Variants in CRAMP1 observed in about 807,000 individuals in gnomAD.
CRAMP1 encodes the protein cramped chromatin regulator 1, also known as protein cramped-like.
CRAMP1 carries 50 observed loss-of-function variants against 115.4 expected under a neutral mutation model. The ratio of observed to expected loss-of-function variants is 0.43; its 90% CI spans 0.35 to 0.55. The LOEUF (loss-of-function observed/expected upper bound fraction) is 0.55, where lower values mean the gene tolerates loss of function less well. CRAMP1 is among the 20% of genes least tolerant of loss of function. The pLI, the probability that CRAMP1 is intolerant of heterozygous loss-of-function variation, is 0.01. For missense variants in CRAMP1, 1,679 were observed against 1,721.7 expected, an observed-to-expected ratio of 0.98 and a Z score of 0.44; for synonymous variants, 866 against 745.4, an observed-to-expected ratio of 1.16 and a Z score of -2.64.
chr16:1,635,746 G>A (rs2036583784), intron 4 of CRAMP1, among the ~76,000 whole-genome samples: 1 of 152,146 alleles, frequency 6.6e-6, no homozygotes, highest in African/African-American at 2.4e-5. Flanking sequence ...GTACTTACAA[G>A]GTTATGCAGC....
chr16:1,667,449 C>G, intron 17 of CRAMP1, 49 bp downstream of exon 17: 1 of 1,448,234 alleles, frequency 6.9e-7, no homozygotes, highest in East Asian at 2.3e-5. Flanking sequence ...CCCAGGACTC[C>G]CTCCAGTGCC....
At chr16:1,652,644 G>A in intron 7 of CRAMP1, 63 bp downstream of exon 7, 1 of 1,406,046 alleles carries the variant, frequency 7.1e-7, no homozygotes, top group Non-Finnish European at 9.8e-7. Context: ...TCAATGATGG[G>A]CAGGCTGAGC....
At position 1,676,454 on chromosome 16, in the gene CRAMP1, T is replaced by A. The variant is rs1037210052; in HGVS notation, c.*2409T>A. ...ACAATGGATACATTTTCTTCTGGCC[T>A]AAATGAATATTTATGTGCAAACATA... is the stretch of plus-strand genomic sequence containing the variant. On this transcript the variant is annotated 3_prime_UTR_variant, in exon 21 of 21. Coordinates refer to ENST00000397412, the MANE Select transcript of CRAMP1 (RefSeq NM_020825.4). The A allele has an allele frequency of 1.3e-5, 2 of 152,280 alleles. No homozygotes were observed. The highest frequency in any genetic ancestry group is 4.8e-5 in the African/African-American group (2 of 41,474). 9.4% of individuals were successfully genotyped at this position (152,280 alleles called of 1,614,324 possible). A position where few individuals can be genotyped will look rare whatever the true frequency, so the allele number is the denominator to read the frequency against.
chr16:1,648,295 T>C (rs1596490796), intron 6 of CRAMP1, among the ~76,000 whole-genome samples: 1 of 152,278 alleles, frequency 6.6e-6, no homozygotes, highest in East Asian at 1.9e-4. Context: ...CCAGAGCACT[T>C]CATTGGAGGA....
At chr16:1,629,971 A>C (rs2142176349) in intron 3 of CRAMP1, among the ~76,000 whole-genome samples, 1 of 150,606 alleles carries the variant, frequency 6.6e-6, no homozygotes, top group African/African-American at 2.4e-5. Flanking sequence ...GCACAATGCC[A>C]CCTCCCCTCT....
chr16:1,628,414 C>T (rs373139332), intron 3 of CRAMP1, among the ~76,000 whole-genome samples: 7 of 152,242 alleles, frequency 4.6e-5, no homozygotes, highest in East Asian at 3.9e-4. Context: ...CCACCACACC[C>T]GGCTAATTTT....
chr16:1,661,807 T>C (rs1052532891), intron 11 of CRAMP1, among the ~76,000 whole-genome samples: 1 of 152,156 alleles, frequency 6.6e-6, no homozygotes, highest in Non-Finnish European at 1.5e-5. Context: ...TTGGCCAGGC[T>C]GGCCTACCAT....
Position 1,659,986 on chromosome 16 carries a change from GC to G in CRAMP1, c.2341del (p.Arg781AlafsTer26). ...PGKVVTVSSR[S>X]PRCPRNQASL... ...AAGGTGGTGACCGTCAGCTCTCGCA[GC>G]CCCCGCTGCCCTCGGAACCAGGCCT... On this transcript the variant is annotated frameshift_variant, in exon 11 of 21. Transcript: ENST00000397412. LOFTEE classifies it high-confidence loss of function. The G allele has an allele frequency of 6.2e-7, 1 of 1,606,550 alleles. No homozygotes were observed.
chr16:1,657,537 C>T (rs1014175248), intron 10 of CRAMP1, among the ~76,000 whole-genome samples: 3 of 152,260 alleles, frequency 2.0e-5, no homozygotes, highest in East Asian at 1.9e-4. Context: ...CTGGAAAGAC[C>T]ATCCCAGCTG....
Position 1,659,973 on chromosome 16 carries a change from G to A in CRAMP1, c.2323G>A (p.Val775Ile), listed in dbSNP as rs754951039. The A allele has an allele frequency of 7.5e-6, 12 of 1,608,652 alleles. No individual in the cohort carries two copies. The highest frequency in any genetic ancestry group is 1.7e-5 in the Admixed American group (1 of 59,984). The change falls in exon 11 of 21, where the codon GTC (valine) becomes ATC (isoleucine). Residue 775 changes from valine to isoleucine, a missense_variant. Around this residue, in one of 8 missense-constraint regions of CRAMP1, gnomAD observed 709 missense variants for 741.9 expected, o/e 0.96. Coordinates refer to ENST00000397412, the MANE Select transcript of CRAMP1 (RefSeq NM_020825.4). ...GACGCCCCCAGGGAAGGTGGTGACC[G>A]TCAGCTCTCGCAGCCCCCGCTGCCC... ...SMTPPGKVVT[V>I]SSRSPRCPRN... is the part of the protein sequence containing the mutation.
chr16:1,675,125 G>A lies in CRAMP1; in HGVS notation c.*1080G>A, dbSNP rs2036956500. On this transcript the variant is annotated 3_prime_UTR_variant, in exon 21 of 21. Transcript: ENST00000397412. ...CAGGTGAGGGCCCAGACATCTGGAT[G>A]TGGTCAGACCTCACCAAATATATGC... 6.6e-6 allele frequency: 1 copy of A among 152,284 alleles called. No individual in the cohort carries two copies. The highest frequency in any genetic ancestry group is 1.5e-5 in the Non-Finnish European group (1 of 68,068). The allele number at this position is 152,284 out of a possible 1,614,324, so 9.4% of individuals were successfully genotyped here.
intron 8 of CRAMP1, among the ~76,000 whole-genome samples, 167 bp downstream of exon 8, chr16:1,653,323 C>T (rs1420129513): frequency 2.0e-5 from 3 of 152,186 alleles, no homozygotes; most frequent in African/African-American, 7.2e-5. Context: ...CCAGGGAGCA[C>T]TGGGCTGCAG....
intron 2 of CRAMP1, among the ~76,000 whole-genome samples, chr16:1,623,680 G>A (rs1383458158): frequency 6.6e-6 from 1 of 152,206 alleles, no homozygotes; most frequent in Non-Finnish European, 1.5e-5. Flanking sequence ...TGGACAGGCA[G>A]TCCTTGCTGA....
At chr16:1,664,389 G>A (rs1380871860) in intron 13 of CRAMP1, among the ~76,000 whole-genome samples, 2 of 152,192 alleles carry the variant, frequency 1.3e-5, no homozygotes, top group Non-Finnish European at 2.9e-5. Context: ...AGCCCAGAAT[G>A]GGAGGTGTCA....
chr16:1,643,932 A>T (rs1211102431), intron 6 of CRAMP1, among the ~76,000 whole-genome samples: 1 of 152,258 alleles, frequency 6.6e-6, no homozygotes, highest in Admixed American at 6.5e-5. Context: ...TGGGCCTGTC[A>T]GCAGGATGGC....
In CRAMP1 at chr16:1,675,545, G is replaced by A. The variant is rs921333305; in HGVS notation, c.*1500G>A. Reference sequence around the variant, plus strand: ...TGCTTCTCTCCCCATCCACAATGGAGAAGGTGAAAAGAGGAGGGAAAGGCC... The same window carrying A: ...TGCTTCTCTCCCCATCCACAATGGAAAAGGTGAAAAGAGGAGGGAAAGGCC... On this transcript the variant is annotated 3_prime_UTR_variant, in exon 21 of 21. Transcript: ENST00000397412. 1 of 152,632 alleles carries A rather than the reference G, an allele frequency of 6.6e-6. No homozygotes were observed. The highest frequency in any genetic ancestry group is 1.5e-5 in the Non-Finnish European group (1 of 68,244). The allele number at this position is 152,632 out of a possible 1,614,324, so 9.5% of individuals were successfully genotyped here. A position where few individuals can be genotyped will look rare whatever the true frequency, so the allele number is the denominator to read the frequency against.
rs1476227617 is a variant in CRAMP1, at chr16:1,614,337, C to CGGGGCCGGGGCCG, written c.-1-299_-1-298insGCCGGGGCCGGGG. On this transcript the variant is annotated intron_variant, in intron 1 of 20. Coordinates refer to ENST00000397412, the MANE Select transcript of CRAMP1 (RefSeq NM_020825.4). This position sits in a 1 kb window ranked among gnomAD's most constrained non-coding sequence, Gnocchi z 4.4. ...CCGGGGCCGGGGCCGGGGCCGGGGC[C>CGGGGCCGGGGCCG]GGGCAGGGTCCGCCGAGCTGTCGCG... is the stretch of plus-strand genomic sequence containing the variant. Among the ~76,000 whole-genome samples, 1 of 143,982 alleles carries CGGGGCCGGGGCCG rather than the reference C, an allele frequency of 6.9e-6. No individual in the cohort carries two copies. Among genetic ancestry groups the CGGGGCCGGGGCCG allele is most frequent in the Non-Finnish European group, 1.5e-5 (1 of 65,174 alleles). The allele number at this position is 143,982 out of a possible 152,430, so 94.5% of individuals were successfully genotyped here. A position where few individuals can be genotyped will look rare whatever the true frequency, so the allele number is the denominator to read the frequency against.
chr16:1,612,935 A>T (rs940959627), intron 1 of CRAMP1, among the ~76,000 whole-genome samples: 3 of 151,606 alleles, frequency 2.0e-5, no homozygotes, highest in African/African-American at 7.3e-5. Context: ...CCTTAGGGTA[A>T]AGTCTGGACG....
rs1201280488 is a variant in CRAMP1, at chr16:1,677,285, G to A, written c.*3240G>A. 6.6e-6 allele frequency: 1 copy of A among 152,184 alleles called. No individual in the cohort carries two copies. The highest frequency in any genetic ancestry group is 1.9e-4 in the East Asian group (1 of 5,196). The allele number at this position is 152,184 out of a possible 1,614,324, so 9.4% of individuals were successfully genotyped here. On this transcript the variant is annotated 3_prime_UTR_variant, in exon 21 of 21. Coordinates refer to ENST00000397412, the MANE Select transcript of CRAMP1 (RefSeq NM_020825.4). ...TGGAGAGACCCTGTCTCTACTAAAA[G>A]TACAGAATTAGCCGGGCGTGGTGGC...
Sources: gnomAD v4.1 joint callset for allele counts (sites outside exome capture counted in the v4.1 genomes callset) on GRCh38, gnomAD v4.1.1 for gene constraint, gnomAD v4.1.1 regional missense constraint, Gnocchi (gnomAD v3.1) non-coding constraint, MANE v1.5 for transcripts, NCBI Gene and HGNC (gene_info 2026-07-23, HGNC 2026-07-21) for gene names.